The following RBBP8 variants were observed in gnomAD, a reference collection of about 807,000 sequenced individuals.
RBBP8 encodes the protein RB binding protein 8, endonuclease.
In RBBP8, 88 loss-of-function variants were observed where a neutral mutation model predicts 108.3. That is an observed-to-expected ratio of 0.81 (90% confidence interval 0.68 to 0.97). The LOEUF (loss-of-function observed/expected upper bound fraction) is 0.97, where lower values mean the gene tolerates loss of function less well. RBBP8 is among the 50% of genes least tolerant of loss of function. The pLI, the probability that RBBP8 is intolerant of heterozygous loss-of-function variation, is 0.00. For missense variants in RBBP8, 1,023 were observed against 1,049.0 expected (o/e 0.98, Z 0.34); for synonymous variants, 332 against 348.2 (o/e 0.95, Z 0.52).
intron 16 of RBBP8, among the ~76,000 whole-genome samples, chr18:23,012,668 C>T (rs1030583333): frequency 2.0e-5 from 3 of 152,154 alleles, no homozygotes; most frequent in African/African-American, 7.2e-5. Context: ...TATAAAAGTG[C>T]AAAGCAAATG....
intron 6 of RBBP8, among the ~76,000 whole-genome samples, chr18:22,980,715 T>G (rs954272687): frequency 3.8e-5 from 5 of 130,180 alleles, no homozygotes; most frequent in African/African-American, 9.3e-5. Context: ...CTTTTTGGGG[T>G]TTTTTTTTTT....
upstream of RBBP8, among the ~76,000 whole-genome samples, chr18:22,932,414 C>A (rs1424640005): frequency 1.3e-5 from 2 of 152,148 alleles, no homozygotes; most frequent in Non-Finnish European, 2.9e-5. Context: ...ATGATAGTTG[C>A]TGTAACAGGC....
chr18:22,943,272 C>CA (rs1911258189), intron 2 of RBBP8, among the ~76,000 whole-genome samples: 1 of 151,848 alleles, frequency 6.6e-6, no homozygotes, highest in South Asian at 2.1e-4. Flanking sequence ...CCTGTCTCTA[C>CA]AAAAAACATT....
intron 5 of RBBP8, among the ~76,000 whole-genome samples, chr18:22,971,641 C>CTTTTTTTT (rs919907678): frequency 4.6e-5 from 5 of 109,280 alleles, no homozygotes; most frequent in Non-Finnish European, 7.4e-5. Context: ...TGTTTAATTT[C>CTTTTTTTT]TTTTTTTTTT....
chr18:22,964,904 T>C (rs140052477), intron 4 of RBBP8, among the ~76,000 whole-genome samples: 5 of 152,142 alleles, frequency 3.3e-5, no homozygotes, highest in Non-Finnish European at 5.9e-5. Context: ...TAGAATATAG[T>C]ATGTCCTCAC....
intron 16 of RBBP8, among the ~76,000 whole-genome samples, chr18:23,007,090 G>A (rs551803633): frequency 1.6e-4 from 24 of 147,436 alleles, no homozygotes; most frequent in Non-Finnish European, 3.0e-4. Context: ...GCGCAATCTC[G>A]GCTCACTGCA....
chr18:23,005,123 A>G (rs1405626095), intron 15 of RBBP8, among the ~76,000 whole-genome samples: 2 of 152,172 alleles, frequency 1.3e-5, no homozygotes, highest in Non-Finnish European at 2.9e-5. Context: ...AGATCATGCC[A>G]CTGCACTCCA....
rs368600707 is a variant in RBBP8, at chr18:23,012,207, C to CAAAAAAAAAAAAAAAAAAAAA, written c.2358-4621_2358-4620insAAAAAAAAAAAAAAAAAAAAA. On this transcript the variant is annotated intron_variant, in intron 16 of 18. Transcript: ENST00000327155. ...TGGGAGACAAAGTGAGATGCTGTCTCCAAAAAAAAAAAAAAAAAAAAAAAC... is the reference window on the plus strand; with the variant it reads ...TGGGAGACAAAGTGAGATGCTGTCTCAAAAAAAAAAAAAAAAAAAAACAAAAAAAAAAAAAAAAAAAAAAAC... 2.5e-5 allele frequency among the ~76,000 whole-genome samples: 2 copies of CAAAAAAAAAAAAAAAAAAAAA among 81,144 alleles called. 1 individual carries two copies. The highest frequency in any genetic ancestry group is 4.6e-5 in the Non-Finnish European group (2 of 43,768). The allele number at this position is 81,144 out of a possible 152,430, so 53.2% of individuals were successfully genotyped here. A position where few individuals can be genotyped will look rare whatever the true frequency, so the allele number is the denominator to read the frequency against.
At chr18:22,929,547 TGTGTATGTGTGTGTG>T (rs1909941343), upstream of RBBP8, 1 of 123,920 alleles carries the variant, frequency 8.1e-6, no homozygotes, top group Non-Finnish European at 1.7e-5. Context: ...TGTGTGTGTG[TGTGTATGTGTGTGTG>T]TTTAAGAGAC....
intron 4 of RBBP8, among the ~76,000 whole-genome samples, chr18:22,964,113 C>T (rs772972027): frequency 1.3e-5 from 2 of 152,128 alleles, no homozygotes; most frequent in Non-Finnish European, 2.9e-5. Context: ...TTTTCCCCCA[C>T]AATCCCCACC....
upstream of RBBP8, chr18:22,929,373 T>C (rs1909908527): frequency 6.6e-6 from 1 of 152,114 alleles, no homozygotes; most frequent in African/African-American, 2.4e-5. Flanking sequence ...ATTTTTTTTT[T>C]TTTTTAAAGG....
chr18:22,938,151 A>T (rs1196981592), intron 2 of RBBP8, among the ~76,000 whole-genome samples: 1 of 151,698 alleles, frequency 6.6e-6, no homozygotes, highest in African/African-American at 2.4e-5. Flanking sequence ...TTTCTTTTTG[A>T]GACAGGGTCT....
Position 22,980,965 on chromosome 18 carries a change from C to CTTTTTTTTTTTTTTTT in RBBP8, c.429-1243_429-1228dup, listed in dbSNP as rs1167377654. 1.4e-4 allele frequency among the ~76,000 whole-genome samples: 10 copies of CTTTTTTTTTTTTTTTT among 69,502 alleles called. 3 individuals are homozygous for CTTTTTTTTTTTTTTTT. Among genetic ancestry groups the CTTTTTTTTTTTTTTTT allele is most frequent in the Non-Finnish European group, 1.3e-4 (5 of 38,612 alleles). 45.6% of individuals were successfully genotyped at this position (69,502 alleles called of 152,430 possible). ...AATTGTAGGTGTGAGCCACTTATGT[C>CTTTTTTTTTTTTTTTT]TTTTTTTTTTTTTTTTTTTTTTTTT... On this transcript the variant is annotated intron_variant, in intron 6 of 18. Transcript: ENST00000327155.
At chr18:23,010,814 G>A (rs930125957) in intron 16 of RBBP8, among the ~76,000 whole-genome samples, 5 of 152,134 alleles carry the variant, frequency 3.3e-5, no homozygotes, top group African/African-American at 1.2e-4. Context: ...GCAAACCTGG[G>A]AAGATGGATT....
intron 16 of RBBP8, 59 bp downstream of exon 16, chr18:23,006,491 T>C (rs1230203005): frequency 7.4e-6 from 10 of 1,352,460 alleles, no homozygotes; most frequent in Non-Finnish European, 8.5e-6. Context: ...AGCTGTCTTT[T>C]ATTTCTCTCT....
intron 18 of RBBP8, among the ~76,000 whole-genome samples, chr18:23,025,198 T>C (rs1480038024): frequency 6.6e-6 from 1 of 151,970 alleles, no homozygotes; most frequent in African/African-American, 2.4e-5. Context: ...GAGGCTGCAG[T>C]GAGCCGTTAT....
chr18:22,922,693 G>C (rs1909642589), intron 3 of RBBP8, among the ~76,000 whole-genome samples: 1 of 152,094 alleles, frequency 6.6e-6, no homozygotes, highest in South Asian at 2.1e-4. Context: ...TCAAACTCCT[G>C]GGCTCAAGCA....
At chr18:22,941,335 C>T (rs1197926683) in intron 2 of RBBP8, among the ~76,000 whole-genome samples, 1 of 152,012 alleles carries the variant, frequency 6.6e-6, no homozygotes, top group African/African-American at 2.4e-5. Flanking sequence ...CCACTCCTGG[C>T]TAATTTTTGT....
At position 23,006,214 on chromosome 18, in the gene RBBP8, G is replaced by A. The variant is rs1598736115; in HGVS notation, c.2288-149G>A. On this transcript the variant is annotated intron_variant, in intron 15 of 18. Transcript: ENST00000327155. The stretch of plus-strand genomic sequence containing the variant: ...AAAAAAAAAAAATAGTTACAAAGTT[G>A]CAGAAAATTTAAATGAGTTGCTCAG... The A allele has an allele frequency of 1.0e-5, 7 of 684,638 alleles. No homozygotes were observed. In the South Asian group the frequency reaches 1.2e-4, roughly 12 times the overall value. The allele number at this position is 684,638 out of a possible 1,614,324, so 42.4% of individuals were successfully genotyped here.
Sources: allele counts gnomAD v4.1 joint callset (sites outside exome capture counted in the v4.1 genomes callset), GRCh38; gene constraint gnomAD v4.1.1; transcripts MANE v1.5; gene names NCBI Gene and HGNC (gene_info 2026-07-23, HGNC 2026-07-21).